MPZL1: variants seen among roughly 807,000 people sequenced by gnomAD.
MPZL1 encodes myelin protein zero like 1, also known as myelin protein zero-like protein 1.
In MPZL1, 16 loss-of-function variants were observed where a neutral mutation model predicts 29.3. The ratio of observed to expected loss-of-function variants is 0.55; its 90% CI spans 0.37 to 0.83. The LOEUF (loss-of-function observed/expected upper bound fraction) is 0.83, where lower values mean the gene tolerates loss of function less well. Among genes scored for constraint, MPZL1 ranks in the 40% least tolerant of loss-of-function variants. The pLI is 0.00. For missense variants in MPZL1, 279 were observed against 332.9 expected, an observed-to-expected ratio of 0.84 and a Z score of 1.26; for synonymous variants, 143 against 132.0, an observed-to-expected ratio of 1.08 and a Z score of -0.57.
At chr1:167,770,104 CTT>C (rs887353515) in intron 2 of MPZL1, among the ~76,000 whole-genome samples, 13 of 152,214 alleles carry the variant, frequency 8.5e-5, no homozygotes, top group Admixed American at 1.3e-4. Flanking sequence ...GAGTCTAGAG[CTT>C]AGGGGACGCT....
chr1:167,773,433 G>A (rs1661293628), intron 4 of MPZL1, 65 bp downstream of exon 4: 4 of 1,498,592 alleles, frequency 2.7e-6, no homozygotes, highest in Non-Finnish European at 9.0e-7. Flanking sequence ...AGAAACTTCT[G>A]TATTTAATGA....
In MPZL1 at chr1:167,736,960, G is replaced by C. The variant is rs200978196; in HGVS notation, c.91+14718G>C. Among the ~76,000 whole-genome samples, 10 of 152,218 alleles carry C rather than the reference G, an allele frequency of 6.6e-5. No individual in the cohort carries two copies. The East Asian group carries it at 1.5e-3, about 23-fold the overall frequency. ...TTTTGCAACATTTCTGCATAATACT[G>C]CTGTTTTATGTCTCCTTGAATTCGT... On this transcript the variant is annotated intron_variant, in intron 1 of 5. Coordinates refer to ENST00000359523, the MANE Select transcript of MPZL1 (RefSeq NM_003953.6).
intron 2 of MPZL1, among the ~76,000 whole-genome samples, chr1:167,770,213 AG>A (rs780118730): frequency 3.3e-4 from 50 of 152,356 alleles, no homozygotes; most frequent in Non-Finnish European, 6.2e-4. Context: ...CCGTGCTCAA[AG>A]GGTTCTGAAA....
chr1:167,780,108 G>A (rs930354363), intron 5 of MPZL1, among the ~76,000 whole-genome samples: 1 of 152,148 alleles, frequency 6.6e-6, no homozygotes, highest in Non-Finnish European at 1.5e-5. Context: ...ATAGTTGGAG[G>A]TTTCAACAAG....
At chr1:167,760,301 C>T (rs1489549308) in intron 1 of MPZL1, among the ~76,000 whole-genome samples, 1 of 152,164 alleles carries the variant, frequency 6.6e-6, no homozygotes, top group East Asian at 1.9e-4. Flanking sequence ...CTCCCGGGTT[C>T]ACGCCATTCT....
chr1:167,790,892 A>G lies in MPZL1; in HGVS notation c.*2971A>G, dbSNP rs564951647. ...GCCTTTCACTCATATCATTCCAGCT[A>G]CACCTGCCTTCTTTTCTTCAAAAAT... On this transcript the variant is annotated 3_prime_UTR_variant, in exon 6 of 6. Transcript: ENST00000359523. 4 of 152,278 alleles carry G rather than the reference A, an allele frequency of 2.6e-5. No homozygotes were observed. The highest frequency in any genetic ancestry group is 9.6e-5 in the African/African-American group (4 of 41,558). 9.4% of individuals were successfully genotyped at this position (152,278 alleles called of 1,614,324 possible).
At chr1:167,765,372 G>A (rs1661091026) in intron 1 of MPZL1, 4 of 313,282 alleles carry the variant, frequency 1.3e-5, no homozygotes, top group East Asian at 5.2e-5. Context: ...TAACTAAAAA[G>A]CAATACAAAC....
chr1:167,779,645 CAT>C (rs760000587), intron 5 of MPZL1, among the ~76,000 whole-genome samples: 5 of 151,764 alleles, frequency 3.3e-5, no homozygotes, highest in East Asian at 1.9e-4. Flanking sequence ...GAGGCTATAA[CAT>C]GTGGAAGTAA....
chr1:167,750,741 T>G (rs1660738900), intron 1 of MPZL1, among the ~76,000 whole-genome samples: 1 of 152,228 alleles, frequency 6.6e-6, no homozygotes, highest in Admixed American at 6.5e-5. Context: ...AGTACTGTTA[T>G]CTAATATATA....
chr1:167,787,072 C>A (rs1040816276), intron 5 of MPZL1: 1 of 152,200 alleles, frequency 6.6e-6, no homozygotes, highest in Non-Finnish European at 1.5e-5. Flanking sequence ...CTCTTCCTTA[C>A]TGCTGAGGCT....
rs187257598 is a variant in MPZL1, at chr1:167,745,994, T to G, written c.92-19589T>G. 2.8e-3 allele frequency among the ~76,000 whole-genome samples: 429 copies of G among 152,264 alleles called. 3 individuals carry two copies. The highest frequency in any genetic ancestry group is 4.4e-3 in the Admixed American group (67 of 15,282). ...TTTCTTGGGGACACAGAAAATAATG[T>G]GTCTTACCCTCAGTGGTGTCTTCAA... On this transcript the variant is annotated intron_variant, in intron 1 of 5. Coordinates refer to ENST00000359523, the MANE Select transcript of MPZL1 (RefSeq NM_003953.6).
At chr1:167,729,224 C>T (rs907624533) in intron 1 of MPZL1, among the ~76,000 whole-genome samples, 6 of 150,832 alleles carry the variant, frequency 4.0e-5, no homozygotes, top group Non-Finnish European at 5.9e-5. Flanking sequence ...GAGCTGAGAT[C>T]GTGTCATCGC....
rs139028868 is a variant in MPZL1, at chr1:167,787,852, C to T, written c.741C>T (p.Ser247=). ...TCATATATGCACAGTTAGACCACTC[C>T]GGCGGACATCACAGTGACAAGATTA... ...GPVIYAQLDH[S]GGHHSDKINK... is the part of the protein sequence containing the mutation. Residue 247 remains serine, a synonymous_variant, in exon 6 of 6, where the codon TCC becomes TCT. Transcript: ENST00000359523. 156 of 1,613,880 alleles carry T rather than the reference C, an allele frequency of 9.7e-5. No individual in the cohort carries two copies. The African/African-American group carries it at 1.0e-3, about 11-fold the overall frequency.
At chr1:167,770,895 G>C (rs1219511998) in intron 2 of MPZL1, among the ~76,000 whole-genome samples, 1 of 152,120 alleles carries the variant, frequency 6.6e-6, no homozygotes, top group Non-Finnish European at 1.5e-5. Flanking sequence ...GGTGATATAT[G>C]AGTCTGATTC....
intron 1 of MPZL1, among the ~76,000 whole-genome samples, chr1:167,731,378 A>G (rs1000703672): frequency 7.3e-5 from 11 of 151,412 alleles, no homozygotes; most frequent in African/African-American, 2.7e-4. Flanking sequence ...CAGAGGTTGC[A>G]GTAAGCCGAG....
In MPZL1 at chr1:167,787,938, T is replaced by C; in HGVS notation, c.*17T>C. On this transcript the variant is annotated 3_prime_UTR_variant, in exon 6 of 6. Coordinates refer to ENST00000359523, the MANE Select transcript of MPZL1 (RefSeq NM_003953.6). Reference sequence around the variant, plus strand: ...AAGAATTAAGAGAATACCTAGAACATATCCTCAGCAAGAAACAAAACCAAA... The same window carrying C: ...AAGAATTAAGAGAATACCTAGAACACATCCTCAGCAAGAAACAAAACCAAA... 6.3e-7 allele frequency: 1 copy of C among 1,590,080 alleles called. No individual in the cohort carries two copies. The highest frequency in any genetic ancestry group is 8.6e-7 in the Non-Finnish European group (1 of 1,158,276).
Position 167,787,996 on chromosome 1 carries a change from C to T in MPZL1, c.*75C>T, listed in dbSNP as rs1661624636. On this transcript the variant is annotated 3_prime_UTR_variant, in exon 6 of 6. Coordinates refer to ENST00000359523, the MANE Select transcript of MPZL1 (RefSeq NM_003953.6). ...CTCGTGCAGAAAATGTAGCCCATTA[C>T]CACATGTAGCCTTGGAGACCCAGGC... 13 of 1,236,342 alleles carry T rather than the reference C, an allele frequency of 1.1e-5. No homozygotes were observed. Among genetic ancestry groups the T allele is most frequent in the Non-Finnish European group, 1.5e-5 (13 of 845,198 alleles). The allele number at this position is 1,236,342 out of a possible 1,614,324, so 76.6% of individuals were successfully genotyped here.
chr1:167,776,419 T>C (rs1281033286), intron 5 of MPZL1, among the ~76,000 whole-genome samples: 1 of 152,182 alleles, frequency 6.6e-6, no homozygotes, highest in African/African-American at 2.4e-5. Flanking sequence ...TTACTAACCA[T>C]GTAGCTTCCT....
chr1:167,746,098 C>T (rs1371670874), intron 1 of MPZL1, among the ~76,000 whole-genome samples: 1 of 151,930 alleles, frequency 6.6e-6, no homozygotes. Context: ...GAAAAAATAC[C>T]TATGATTAGA....
Sources: gnomAD v4.1 joint callset for allele counts (sites outside exome capture counted in the v4.1 genomes callset) on GRCh38, gnomAD v4.1.1 for gene constraint, MANE v1.5 for transcripts, NCBI Gene and HGNC (gene_info 2026-07-23, HGNC 2026-07-21) for gene names.